The following KLHL29 variants were observed in gnomAD, a reference collection of about 807,000 sequenced individuals.
KLHL29 encodes the protein kelch like family member 29.
In KLHL29, 21 loss-of-function variants were observed where a neutral mutation model predicts 80.4. The ratio of observed to expected loss-of-function variants is 0.26; its 90% CI spans 0.19 to 0.38. The LOEUF is 0.38. KLHL29 is among the 10% of genes least tolerant of loss of function. The probability of loss-of-function intolerance (pLI) is 1.00; values close to 1 mark genes in which losing one functional copy is unlikely to be tolerated. For synonymous variants in KLHL29, 511 were observed against 526.8 expected, an observed-to-expected ratio of 0.97 and a Z score of 0.41; for missense variants, 867 against 1,223.9, an observed-to-expected ratio of 0.71 and a Z score of 4.35.
intron 3 of KLHL29, 142 bp from the exon 4 acceptor site, chr2:23,638,997 C>A: frequency 1.4e-6 from 1 of 715,948 alleles, no homozygotes; most frequent in Non-Finnish European, 2.1e-6. Flanking sequence ...AGGGCTGAGG[C>A]TCTGCCTCTG....
chr2:23,693,751 C>T (rs1210147514), intron 8 of KLHL29, among the ~76,000 whole-genome samples: 4 of 152,248 alleles, frequency 2.6e-5, no homozygotes, highest in Non-Finnish European at 5.9e-5. Context: ...AGAGCCGCAG[C>T]ACCTGCACTC....
At chr2:23,567,819 C>G (rs906117922) in intron 3 of KLHL29, among the ~76,000 whole-genome samples, 1 of 152,236 alleles carries the variant, frequency 6.6e-6, no homozygotes, top group African/African-American at 2.4e-5. Flanking sequence ...CCGTGAATTT[C>G]CAGACTGCAA....
intron 1 of KLHL29, among the ~76,000 whole-genome samples, chr2:23,403,987 C>T (rs1666664070): frequency 6.6e-6 from 1 of 152,162 alleles, no homozygotes; most frequent in African/African-American, 2.4e-5. Context: ...CTGCCTACTT[C>T]TCTGCAGCGG....
At chr2:23,691,971 G>A (rs1315538981) in intron 7 of KLHL29, 95 bp downstream of exon 7, 7 of 1,244,714 alleles carry the variant, frequency 5.6e-6, no homozygotes, top group Non-Finnish European at 7.8e-6. Flanking sequence ...AGGTCTGTGT[G>A]TGCACACCTG....
In KLHL29 at chr2:23,680,288, C is replaced by T. The variant is rs562391220; in HGVS notation, c.941-4111C>T. 3.9e-5 allele frequency among the ~76,000 whole-genome samples: 6 copies of T among 152,180 alleles called. No individual in the cohort carries two copies. Among genetic ancestry groups the T allele is most frequent in the Admixed American group, 6.5e-5 (1 of 15,296 alleles). On this transcript the variant is annotated intron_variant, in intron 5 of 13. Transcript: ENST00000486442. The surrounding 1 kb of genome is among the most constrained non-coding windows in gnomAD (Gnocchi z 4.1). ...GAGTCTGGGGAAGGCCTGCGGATTG[C>T]GGGCAGTGGACCGTCTTCCACGGGA...
Position 23,562,452 on chromosome 2 carries a change from G to T in KLHL29, c.256G>T (p.Ala86Ser). 1.3e-6 allele frequency: 2 copies of T among 1,536,540 alleles called. No homozygotes were observed. Among genetic ancestry groups the T allele is most frequent in the Non-Finnish European group, 1.7e-6 (2 of 1,146,772 alleles). Residue 86 changes from alanine (A) to serine (S), a missense_variant, in exon 3 of 14, where the codon GCC becomes TCC. This residue lies in a region of KLHL29 where 424 missense variants were observed against 456.9 expected (regional missense o/e 0.93). Coordinates refer to ENST00000486442, the MANE Select transcript of KLHL29 (RefSeq NM_052920.2). This position sits in a 1 kb window ranked among gnomAD's most constrained non-coding sequence, Gnocchi z 4.5. ...GSSEAITSLV[A>S]SSASAVTTKA... ...CAGCGAGGCCATCACCAGCCTCGTG[G>T]CCAGCTCTGCGTCTGCGGTCACCAC...
At chr2:23,513,731 A>G (rs1304202479) in intron 2 of KLHL29, among the ~76,000 whole-genome samples, 1 of 152,124 alleles carries the variant, frequency 6.6e-6, no homozygotes, top group Non-Finnish European at 1.5e-5. Flanking sequence ...AGTGCTGGGC[A>G]TTAGGATCGA....
rs1465436178 is a variant in KLHL29 at position 23,703,729 on chromosome 2, T to C, written c.2310T>C (p.Tyr770=). Residue 770 remains tyrosine, a synonymous_variant, in exon 13 of 14, where the codon TAT becomes TAC. Transcript: ENST00000486442. ...CTGCTCTCCTCACAGACAACAAGTA[T>C]GCCCCCGCTGTCACGCTCAATGGCT... The part of the protein sequence containing the change: ...FIESPMIDNK[Y]APAVTLNGFV... The C allele has an allele frequency of 3.3e-6, 5 of 1,536,446 alleles. No homozygotes were observed. Among genetic ancestry groups the C allele is most frequent in the Admixed American group, 2.0e-5 (1 of 50,888 alleles).
chr2:23,445,085 A>G (rs190790097), intron 1 of KLHL29, among the ~76,000 whole-genome samples: 13 of 152,312 alleles, frequency 8.5e-5, no homozygotes, highest in African/African-American at 2.6e-4. Context: ...AAATGATATT[A>G]TTCCAGGACC....
intron 3 of KLHL29, among the ~76,000 whole-genome samples, chr2:23,633,108 C>T (rs990219883): frequency 1.3e-5 from 2 of 152,156 alleles, no homozygotes; most frequent in Admixed American, 6.5e-5. Flanking sequence ...CTTGTCTTCC[C>T]CAAATGGGCT....
At chr2:23,517,188 G>A (rs540871144) in intron 2 of KLHL29, among the ~76,000 whole-genome samples, 115 of 152,268 alleles carry the variant, frequency 7.6e-4, no homozygotes, top group Admixed American at 1.2e-3. Context: ...GGGGTCTGCC[G>A]TCCGCTGAGC....
chr2:23,417,939 C>T (rs150682955), intron 1 of KLHL29, among the ~76,000 whole-genome samples: 1 of 152,126 alleles, frequency 6.6e-6, no homozygotes, highest in African/African-American at 2.4e-5. Context: ...AGCATAACAT[C>T]GTCTCCTGTC....
At chr2:23,643,020 G>A (rs1048715187) in intron 5 of KLHL29, 170 bp downstream of exon 5, 10 of 798,528 alleles carry the variant, frequency 1.3e-5, no homozygotes, top group Non-Finnish European at 1.7e-5. Context: ...GGCCTGAGAT[G>A]GGGGAGGGAG....
intron 2 of KLHL29, among the ~76,000 whole-genome samples, chr2:23,505,861 G>T (rs1665583316): frequency 6.6e-6 from 1 of 152,218 alleles, no homozygotes. Flanking sequence ...CCCCTACAGG[G>T]TGGGTTCAGA....
At chr2:23,579,288 C>T (rs7563031) in intron 3 of KLHL29, among the ~76,000 whole-genome samples, 28,143 of 152,138 alleles carry the variant, frequency 0.18, 3,513 homozygotes, top group African/African-American at 0.33. Flanking sequence ...ATTATGGAAA[C>T]GGGGCTTGAA....
rs1318167597 is a variant in KLHL29 at position 23,682,423 on chromosome 2, AC to A, written c.941-1975del. Among the ~76,000 whole-genome samples, 1 of 152,110 alleles carries A rather than the reference AC, an allele frequency of 6.6e-6. No homozygotes were observed. Among genetic ancestry groups the A allele is most frequent in the Non-Finnish European group, 1.5e-5 (1 of 68,012 alleles). On this transcript the variant is annotated intron_variant, in intron 5 of 13. Coordinates refer to ENST00000486442, the MANE Select transcript of KLHL29 (RefSeq NM_052920.2). The surrounding 1 kb of genome is among the most constrained non-coding windows in gnomAD (Gnocchi z 4.1). ...CTGGCTTCGAGGCTCAACTCTCTGC[AC>A]GGCGCTATCTTGCCTCCCATTGGCC... is the stretch of plus-strand genomic sequence containing the variant.
intron 1 of KLHL29, among the ~76,000 whole-genome samples, chr2:23,397,926 A>G (rs948754282): frequency 1.3e-5 from 2 of 152,264 alleles, no homozygotes; most frequent in African/African-American, 4.8e-5. Context: ...CTTCACGTCC[A>G]TTAACGTGAC....
chr2:23,534,951 C>T lies in KLHL29; in HGVS notation c.-45-27201C>T, dbSNP rs148302562. ...GGCCCTAAAAGCAGCTGCTAAAATG[C>T]GTCTGGCACAAAGGAACTTTCTGGG... On this transcript the variant is annotated intron_variant, in intron 2 of 13. Coordinates refer to ENST00000486442, the MANE Select transcript of KLHL29 (RefSeq NM_052920.2). 4.5e-3 allele frequency among the ~76,000 whole-genome samples: 689 copies of T among 152,258 alleles called. 6 individuals carry two copies. The highest frequency in any genetic ancestry group is 0.016 in the African/African-American group (670 of 41,538).
At chr2:23,401,101 C>G (rs1558324395) in intron 1 of KLHL29, among the ~76,000 whole-genome samples, 1 of 152,186 alleles carries the variant, frequency 6.6e-6, no homozygotes. Context: ...GTTTCCTCTG[C>G]TGCCCCGTTT....
Sources: gnomAD v4.1 joint callset for allele counts (sites outside exome capture counted in the v4.1 genomes callset) on GRCh38, gnomAD v4.1.1 for gene constraint, gnomAD v4.1.1 regional missense constraint, Gnocchi (gnomAD v3.1) non-coding constraint, MANE v1.5 for transcripts, NCBI Gene and HGNC (gene_info 2026-07-23, HGNC 2026-07-21) for gene names.